Variants in SNX18 observed in about 807,000 individuals in gnomAD.
SNX18 encodes sorting nexin-18.
SNX18 carries 35 observed loss-of-function variants against 48.7 expected under a neutral mutation model. The observed-to-expected ratio is 0.72, with a 90% CI of 0.55 to 0.95. The LOEUF is 0.95. Ranked by LOEUF, SNX18 falls within the 40% of genes least tolerant of loss-of-function variation. The probability of loss-of-function intolerance (pLI) is 0.00; values close to 1 mark genes in which losing one functional copy is unlikely to be tolerated. For missense variants in SNX18, 824 were observed against 871.0 expected, an observed-to-expected ratio of 0.95 and a Z score of 0.68; for synonymous variants, 492 against 384.7, an observed-to-expected ratio of 1.28 and a Z score of -3.26.
At chr5:54,579,567 T>G in the SNX18 span, among the ~76,000 whole-genome samples, 3 of 152,330 alleles carry the variant, frequency 2.0e-5, no homozygotes, top group East Asian at 3.9e-4. Context: ...TCACTTGCAG[T>G]TGGAGAGAAG....
At chr5:54,618,822 TA>T in the SNX18 span, among the ~76,000 whole-genome samples, 30,335 of 151,750 alleles carry the variant, frequency 0.2, 3,354 homozygotes, top group East Asian at 0.32. Flanking sequence ...AAGTGTGTGC[TA>T]AAAAAAATCA....
chr5:54,595,048 A>G, the SNX18 span, among the ~76,000 whole-genome samples: 1 of 152,280 alleles, frequency 6.6e-6, no homozygotes, highest in South Asian at 2.1e-4. Context: ...TATATATACT[A>G]CATTTTCTTC....
rs1192985830 is a variant in SNX18 at position 54,519,618 on chromosome 5, A to G, written c.1621+45A>G. On this transcript the variant is annotated intron_variant, in intron 1 of 1. Transcript: ENST00000381410. ...GCAGGTGATATGGAGTGTATTGTGCAGGCTGAAAGGGGCGACTTTGACAGC... is the reference window on the plus strand; with the variant it reads ...GCAGGTGATATGGAGTGTATTGTGCGGGCTGAAAGGGGCGACTTTGACAGC... The G allele has an allele frequency of 2.5e-6, 4 of 1,614,100 alleles. No homozygotes were observed. The Admixed American group carries it at 5.0e-5, about 20-fold the overall frequency.
At chr5:54,539,841 TTTG>T (rs1226276313) in intron 1 of SNX18, among the ~76,000 whole-genome samples, 2 of 152,114 alleles carry the variant, frequency 1.3e-5, no homozygotes, top group Admixed American at 6.5e-5. Flanking sequence ...TTTGTTTTGT[TTTG>T]TTGTTTTCTT....
chr5:54,587,760 C>T, the SNX18 span, among the ~76,000 whole-genome samples: 1 of 152,170 alleles, frequency 6.6e-6, no homozygotes, highest in Non-Finnish European at 1.5e-5. Flanking sequence ...TTCAGATGGT[C>T]TGTGGTAGAG....
chr5:54,609,962 G>C, the SNX18 span, among the ~76,000 whole-genome samples: 3 of 151,964 alleles, frequency 2.0e-5, no homozygotes, highest in African/African-American at 7.3e-5. Context: ...ATTTAAAAGT[G>C]TGTGGCACCT....
Position 54,525,148 on chromosome 5 carries a change from G to A in SNX18, c.1621+5575G>A, listed in dbSNP as rs377462285. Among the ~76,000 whole-genome samples, 19 of 152,326 alleles carry A rather than the reference G, an allele frequency of 1.2e-4. No individual in the cohort carries two copies. The East Asian group carries it at 2.7e-3, about 22-fold the overall frequency. ...ACGCTCACTTATCTTTGGCCAAGTG[G>A]GGGCACTTCCTCACGAGGTCAGCAT... On this transcript the variant is annotated intron_variant, in intron 1 of 1. Coordinates refer to ENST00000381410, the MANE Select transcript of SNX18 (RefSeq NM_001102575.2).
chr5:54,536,714 G>C (rs1331748808), intron 1 of SNX18, among the ~76,000 whole-genome samples: 1 of 152,180 alleles, frequency 6.6e-6, no homozygotes, highest in Non-Finnish European at 1.5e-5. Flanking sequence ...CTTCATAGTA[G>C]CATGATTTAT....
the SNX18 span, among the ~76,000 whole-genome samples, chr5:54,637,654 G>A: frequency 3.3e-5 from 5 of 152,230 alleles, no homozygotes; most frequent in East Asian, 9.7e-4. Flanking sequence ...GTCAAAACAG[G>A]GCAGTTGACA....
In SNX18 at chr5:54,518,553, C is replaced by T. The variant is rs754069192; in HGVS notation, c.601C>T (p.Leu201=). 1.0e-5 allele frequency: 16 copies of T among 1,589,494 alleles called. No homozygotes were observed. Among genetic ancestry groups the T allele is most frequent in the Admixed American group, 3.5e-5 (2 of 57,710 alleles). Reference sequence around the variant, plus strand: ...CTACCGCCTGTCCACGCGCTCCGACCTGTCCCTGGGTTCCCGCGGCGGCTC... The same window carrying T: ...CTACCGCCTGTCCACGCGCTCCGACTTGTCCCTGGGTTCCCGCGGCGGCTC... ...GRYRLSTRSD[L]SLGSRGGSVP... is the part of the protein sequence containing the mutation. The change falls in exon 1 of 2, where the codon CTG becomes TTG. Residue 201 remains leucine, a synonymous_variant. Coordinates refer to ENST00000381410, the MANE Select transcript of SNX18 (RefSeq NM_001102575.2).
At chr5:54,622,778 C>T in the SNX18 span, among the ~76,000 whole-genome samples, 1 of 151,836 alleles carries the variant, frequency 6.6e-6, no homozygotes, top group Non-Finnish European at 1.5e-5. Context: ...GAAGCCAATT[C>T]GTAATGATGG....
At chr5:54,583,484 T>A in the SNX18 span, among the ~76,000 whole-genome samples, 1 of 152,208 alleles carries the variant, frequency 6.6e-6, no homozygotes, top group Non-Finnish European at 1.5e-5. Context: ...AGTCAGTCAC[T>A]TGTTATTGAC....
rs1762516290 is a variant in SNX18, at chr5:54,543,783, C to CT, written c.*352dup. 1 of 190,582 alleles carries CT rather than the reference C, an allele frequency of 5.2e-6. No homozygotes were observed. 11.8% of individuals were successfully genotyped at this position (190,582 alleles called of 1,614,324 possible). A position where few individuals can be genotyped will look rare whatever the true frequency, so the allele number is the denominator to read the frequency against. ...CCATGAAGGGTCTCAAAGAAGCTGG[C>CT]TGGATACAAGCCTGCTGTGGATGCC... On this transcript the variant is annotated 3_prime_UTR_variant, in exon 2 of 2. Transcript: ENST00000381410.
the SNX18 span, among the ~76,000 whole-genome samples, chr5:54,602,640 C>T: frequency 4.5e-3 from 686 of 152,104 alleles, 4 homozygotes; most frequent in African/African-American, 0.016. Context: ...CTATTGAAAA[C>T]TTTAGAACAG....
the SNX18 span, among the ~76,000 whole-genome samples, chr5:54,578,184 A>G: frequency 6.6e-6 from 1 of 152,116 alleles, no homozygotes; most frequent in Non-Finnish European, 1.5e-5. Context: ...TGATGACTTA[A>G]TTTACTTTGA....
At chr5:54,601,603 G>T in the SNX18 span, among the ~76,000 whole-genome samples, 1 of 152,140 alleles carries the variant, frequency 6.6e-6, no homozygotes, top group Non-Finnish European at 1.5e-5. Flanking sequence ...ATATTAGACA[G>T]CCTTTGCCCC....
At chr5:54,580,996 AG>A in the SNX18 span, among the ~76,000 whole-genome samples, 5 of 152,176 alleles carry the variant, frequency 3.3e-5, no homozygotes, top group African/African-American at 1.2e-4. Flanking sequence ...TGGAGGAGGT[AG>A]GACTCAAAAA....
At chr5:54,521,165 C>T (rs1205306008) in intron 1 of SNX18, among the ~76,000 whole-genome samples, 1 of 152,114 alleles carries the variant, frequency 6.6e-6, no homozygotes, top group African/African-American at 2.4e-5. Context: ...TTACACATTT[C>T]TGTGAGTTTG....
the SNX18 span, among the ~76,000 whole-genome samples, chr5:54,602,529 A>G: frequency 0.38 from 57,675 of 152,014 alleles, 11,103 homozygotes; most frequent in South Asian, 0.57. Context: ...AATCCATAGG[A>G]GTGTGCAGCA....
Sources: gnomAD v4.1 joint callset for allele counts (sites outside exome capture counted in the v4.1 genomes callset) on GRCh38, gnomAD v4.1.1 for gene constraint, MANE v1.5 for transcripts, NCBI Gene and HGNC (gene_info 2026-07-23, HGNC 2026-07-21) for gene names.